The following DIP2B variants were observed in gnomAD, a reference collection of about 807,000 sequenced individuals.
The protein encoded by DIP2B is disco-interacting protein 2 homolog B.
DIP2B carries 76 observed loss-of-function variants against 198.0 expected under a neutral mutation model. The ratio of observed to expected loss-of-function variants is 0.38; its 90% confidence interval spans 0.32 to 0.46. The LOEUF is 0.46. Among genes scored for constraint, DIP2B ranks in the 20% least tolerant of loss-of-function variants. DIP2B has a pLI of 0.99. For synonymous variants in DIP2B, 701 were observed against 739.1 expected, an observed-to-expected ratio of 0.95 and a Z score of 0.84; for missense variants, 1,559 against 1,978.4, an observed-to-expected ratio of 0.79 and a Z score of 4.02.
chr12:50,640,723 G>C lies in DIP2B; in HGVS notation c.173-1G>C. The C allele has an allele frequency of 6.2e-7, 1 of 1,611,028 alleles. No individual in the cohort carries two copies. The highest frequency in any genetic ancestry group is 8.5e-7 in the Non-Finnish European group (1 of 1,178,936). On this transcript the variant is annotated splice_acceptor_variant, in intron 2 of 37. Transcript: ENST00000301180. LOFTEE classifies it high-confidence loss of function. ...ACCATCTTTTAAACTTCCTTTTTTA[G>C]AAACTGATTCAGCAGTACAGAAAGA...
intron 1 of DIP2B, among the ~76,000 whole-genome samples, chr12:50,601,524 G>A (rs1565840910): frequency 6.6e-6 from 1 of 152,032 alleles, no homozygotes; most frequent in Non-Finnish European, 1.5e-5. Flanking sequence ...ATTTTTAGTA[G>A]AGATGGGGTT....
chr12:50,702,238 C>T (rs1048332840), intron 19 of DIP2B, among the ~76,000 whole-genome samples: 8 of 151,966 alleles, frequency 5.3e-5, no homozygotes, highest in Admixed American at 3.3e-4. Flanking sequence ...CCCAGCTACT[C>T]GGGAGGCTGA....
chr12:50,569,361 A>G (rs1022517607), intron 1 of DIP2B, among the ~76,000 whole-genome samples: 6 of 152,330 alleles, frequency 3.9e-5, no homozygotes, highest in African/African-American at 1.4e-4. Context: ...TAGACCAAAC[A>G]TATCACTGTG....
chr12:50,667,140 G>A (rs1938768958), intron 4 of DIP2B, among the ~76,000 whole-genome samples: 1 of 152,060 alleles, frequency 6.6e-6, no homozygotes, highest in Admixed American at 6.6e-5. Flanking sequence ...AAGTGCTTGG[G>A]ATTACAGGCG....
chr12:50,677,444 G>A (rs1191181524), intron 7 of DIP2B, among the ~76,000 whole-genome samples: 2 of 151,998 alleles, frequency 1.3e-5, no homozygotes, highest in East Asian at 1.9e-4. Context: ...GTGAAACCCC[G>A]TCTCTACTAA....
At chr12:50,639,579 G>A (rs1027055366) in intron 2 of DIP2B, among the ~76,000 whole-genome samples, 4 of 151,458 alleles carry the variant, frequency 2.6e-5, no homozygotes, top group African/African-American at 7.3e-5. Context: ...TCCCCAGACC[G>A]CTGCTTTGAG....
At chr12:50,712,149 C>G (rs1939627285) in intron 22 of DIP2B, among the ~76,000 whole-genome samples, 1 of 152,052 alleles carries the variant, frequency 6.6e-6, no homozygotes, top group Non-Finnish European at 1.5e-5. Flanking sequence ...GCCTGGGTGT[C>G]AGAGCAAGAC....
At chr12:50,638,221 A>G (rs1938192993) in intron 2 of DIP2B, among the ~76,000 whole-genome samples, 1 of 152,228 alleles carries the variant, frequency 6.6e-6, no homozygotes, top group African/African-American at 2.4e-5. Flanking sequence ...AGAAGACTTA[A>G]TTTGTGAGTC....
At chr12:50,585,510 A>T (rs1486149667) in intron 1 of DIP2B, among the ~76,000 whole-genome samples, 1 of 152,102 alleles carries the variant, frequency 6.6e-6, no homozygotes, top group Non-Finnish European at 1.5e-5. Context: ...TGTTGGGGGG[A>T]AGAGTGTTCT....
At chr12:50,641,363 TAA>T (rs925950490) in intron 3 of DIP2B, among the ~76,000 whole-genome samples, 1 of 151,994 alleles carries the variant, frequency 6.6e-6, no homozygotes, top group Non-Finnish European at 1.5e-5. Context: ...TCAAAAAAAA[TAA>T]AGACTGTTTC....
chr12:50,612,320 C>T (rs923332414), intron 1 of DIP2B, among the ~76,000 whole-genome samples: 1 of 152,120 alleles, frequency 6.6e-6, no homozygotes, highest in African/African-American at 2.4e-5. Context: ...CCTGAGGGCC[C>T]TTCTGTGATT....
chr12:50,631,624 A>G (rs1413234415), intron 2 of DIP2B, among the ~76,000 whole-genome samples: 1 of 151,890 alleles, frequency 6.6e-6, no homozygotes, highest in Non-Finnish European at 1.5e-5. Context: ...GTAGAGACAG[A>G]GTTTCACCAT....
At chr12:50,548,000 C>T (rs1382644561) in intron 1 of DIP2B, among the ~76,000 whole-genome samples, 1 of 152,130 alleles carries the variant, frequency 6.6e-6, no homozygotes, top group Non-Finnish European at 1.5e-5. Context: ...GCCTAGTAGT[C>T]CAAGGCTGCT....
In DIP2B at chr12:50,697,071, A is replaced by T; in HGVS notation, c.1944A>T (p.Ser648=). The change falls in exon 17 of 38, where the codon TCA becomes TCT. Residue 648 remains serine (S), a synonymous_variant. Transcript: ENST00000301180. ...GTTCCAACTCCTTAGGGTCCGTGTC[A>T]TCCTGTGATGCCTTCCTGAGTCTGT... ...VTDGANPWSV[S]SCDAFLSLFQ... is the part of the protein sequence containing the mutation. 1 of 1,614,058 alleles carries T rather than the reference A, an allele frequency of 6.2e-7. No individual in the cohort carries two copies. Among genetic ancestry groups the T allele is most frequent in the Non-Finnish European group, 8.5e-7 (1 of 1,179,940 alleles).
intron 1 of DIP2B, among the ~76,000 whole-genome samples, chr12:50,610,628 C>T (rs1959023422): frequency 6.6e-6 from 1 of 151,786 alleles, no homozygotes; most frequent in Non-Finnish European, 1.5e-5. Flanking sequence ...ACCTCAGCCT[C>T]CCCAGTAGCT....
chr12:50,676,925 T>C (rs1304935640), intron 7 of DIP2B, among the ~76,000 whole-genome samples: 1 of 152,216 alleles, frequency 6.6e-6, no homozygotes, highest in Non-Finnish European at 1.5e-5. Flanking sequence ...GTTGAAACAT[T>C]TATTATTTAC....
intron 12 of DIP2B, among the ~76,000 whole-genome samples, chr12:50,689,087 G>A (rs1939179160): frequency 6.6e-6 from 1 of 152,130 alleles, no homozygotes; most frequent in Non-Finnish European, 1.5e-5. Flanking sequence ...AGATATATCT[G>A]GACTGGTTGG....
chr12:50,674,646 G>A lies in DIP2B; in HGVS notation c.796+17G>A. On this transcript the variant is annotated intron_variant, in intron 6 of 37. Coordinates refer to ENST00000301180, the MANE Select transcript of DIP2B (RefSeq NM_173602.3). ...CAGCTGATGGTAAGGAGTTGTTTTT[G>A]GTAGCTCAATTGTAGTGTAAACTAA... is the stretch of plus-strand genomic sequence containing the variant. 1.9e-6 allele frequency: 3 copies of A among 1,613,612 alleles called. No individual in the cohort carries two copies. The highest frequency in any genetic ancestry group is 2.2e-5 in the South Asian group (2 of 90,996).
chr12:50,536,724 T>C, intron 1 of DIP2B, among the ~76,000 whole-genome samples: 1 of 151,984 alleles, frequency 6.6e-6, no homozygotes. Flanking sequence ...CATGCCACCA[T>C]GCCCAGCTAA....
Sources: gnomAD v4.1 joint callset for allele counts (sites outside exome capture counted in the v4.1 genomes callset) on GRCh38, gnomAD v4.1.1 for gene constraint, MANE v1.5 for transcripts, NCBI Gene and HGNC (gene_info 2026-07-23, HGNC 2026-07-21) for gene names.